PLA2G6: variants seen among roughly 807,000 people sequenced by gnomAD.
The protein encoded by PLA2G6 is 85/88 kDa calcium-independent phospholipase A2.
Under a neutral mutation model 83.8 loss-of-function variants are expected in PLA2G6, and 62 were observed. The observed-to-expected ratio is 0.74, with a 90% CI of 0.60 to 0.91. The LOEUF (loss-of-function observed/expected upper bound fraction) is 0.91, where lower values mean the gene tolerates loss of function less well. Among genes scored for constraint, PLA2G6 ranks in the 40% least tolerant of loss-of-function variants. PLA2G6 has a pLI of 0.00. For missense variants in PLA2G6, 944 were observed against 1,102.0 expected, an observed-to-expected ratio of 0.86 and a Z score of 2.03; for synonymous variants, 417 against 449.8, an observed-to-expected ratio of 0.93 and a Z score of 0.92.
chr22:38,140,258 A>G (rs1241118094), intron 4 of PLA2G6, 89 bp from the exon 5 acceptor site: 1 of 1,297,648 alleles, frequency 7.7e-7, no homozygotes, highest in Non-Finnish European at 1.1e-6. Context: ...CTGTAATCCT[A>G]GCACTTTGGG....
At chr22:38,143,996 G>A (rs1053125378) in intron 3 of PLA2G6, 12 of 168,570 alleles carry the variant, frequency 7.1e-5, no homozygotes, top group Admixed American at 2.2e-4. Context: ...CACCCGCCTC[G>A]GCCTCACAAA....
intron 1 of PLA2G6, among the ~76,000 whole-genome samples, chr22:38,176,456 A>C (rs2090634739): frequency 6.6e-6 from 1 of 152,190 alleles, no homozygotes; most frequent in Non-Finnish European, 1.5e-5. Context: ...TGACGACAGG[A>C]TGTCCCATGA....
At chr22:38,150,191 A>G (rs533179605) in intron 2 of PLA2G6, 16 of 152,284 alleles carry the variant, frequency 1.1e-4, no homozygotes, top group African/African-American at 3.9e-4. Context: ...GGGAATTTGT[A>G]TCTCTTTACC....
rs979608993 is a variant in PLA2G6 at position 38,148,651 on chromosome 22, T to C, written c.210-2998A>G. 6 of 683,124 alleles carry C rather than the reference T, an allele frequency of 8.8e-6. No individual in the cohort carries two copies. The Admixed American group carries it at 9.6e-5, about 11-fold the overall frequency. 42.3% of individuals were successfully genotyped at this position (683,124 alleles called of 1,614,324 possible). A position where few individuals can be genotyped will look rare whatever the true frequency, so the allele number is the denominator to read the frequency against. On this transcript the variant is annotated intron_variant, in intron 2 of 16. Coordinates refer to ENST00000332509, the MANE Select transcript of PLA2G6 (RefSeq NM_003560.4). Reference sequence around the variant, plus strand: ...GCCAAGAGGAGAGCCCTGATGAACATCTCTTACTTTGGGTTAGGGTCCTAA... The same window carrying C: ...GCCAAGAGGAGAGCCCTGATGAACACCTCTTACTTTGGGTTAGGGTCCTAA...
At chr22:38,112,855 T>A (rs1218555511) in intron 15 of PLA2G6, 1 of 573,960 alleles carries the variant, frequency 1.7e-6, no homozygotes, top group African/African-American at 1.9e-5. Context: ...CAGGCCTCCA[T>A]GTCCCCTCTC....
At chr22:38,140,818 G>C (rs1284819781) in intron 4 of PLA2G6, 3 of 154,978 alleles carry the variant, frequency 1.9e-5, no homozygotes, top group African/African-American at 7.2e-5. Flanking sequence ...TGGGAGGTGA[G>C]AGGATCACTT....
At chr22:38,143,824 A>C (rs543024027) in intron 3 of PLA2G6, 267 of 220,276 alleles carry the variant, frequency 1.2e-3, no homozygotes, top group African/African-American at 5.7e-3. Flanking sequence ...GCTCACTGCA[A>C]CCTCCGCCTC....
rs2145737973 is a variant in PLA2G6 at position 38,126,408 on chromosome 22, C to G, written c.1390G>C (p.Ala464Pro). The G allele has an allele frequency of 6.2e-7, 1 of 1,613,802 alleles. No individual in the cohort carries two copies. Among genetic ancestry groups the G allele is most frequent in the Non-Finnish European group, 8.5e-7 (1 of 1,179,938 alleles). ...TCCCTCATGGAGCCCAGGATGAACG[C>G]TGGCTTCCGGGCCCGTGAGATGTGC... ...LMHISRARKPAFILGSMRDEK... is the reference protein window; with the variant it reads ...LMHISRARKPPFILGSMRDEK... The change falls in exon 10 of 17, where the codon GCG (alanine) becomes CCG (proline). Residue 464 changes from alanine to proline, a missense_variant. Transcript: ENST00000332509.
intron 2 of PLA2G6, among the ~76,000 whole-genome samples, chr22:38,157,647 T>A (rs1474759119): frequency 6.6e-6 from 1 of 151,872 alleles, no homozygotes; most frequent in Non-Finnish European, 1.5e-5. Flanking sequence ...CAAAGACATA[T>A]AAAAAAAGAA....
chr22:38,169,968 C>A (rs1025319124), intron 1 of PLA2G6, among the ~76,000 whole-genome samples: 1 of 152,128 alleles, frequency 6.6e-6, no homozygotes, highest in Admixed American at 6.6e-5. Flanking sequence ...GAGGCTGAGG[C>A]GGGCGGATCA....
rs191005574 is a variant in PLA2G6 at position 38,132,142 on chromosome 22, A to G, written c.1077+689T>C. 27 of 455,888 alleles carry G rather than the reference A, an allele frequency of 5.9e-5. No homozygotes were observed. The East Asian group carries it at 1.5e-3, about 26-fold the overall frequency. The allele number at this position is 455,888 out of a possible 1,614,324, so 28.2% of individuals were successfully genotyped here. A position where few individuals can be genotyped will look rare whatever the true frequency, so the allele number is the denominator to read the frequency against. On this transcript the variant is annotated intron_variant, in intron 7 of 16. Coordinates refer to ENST00000332509, the MANE Select transcript of PLA2G6 (RefSeq NM_003560.4). This position sits in a 1 kb window ranked among gnomAD's most constrained non-coding sequence, Gnocchi z 5.0. ...AAAAAAAGAATACATGCACACACAT[A>G]TGTCTGTAACACAGTAACGTCCTCC...
chr22:38,120,056 G>A (rs949662218), intron 12 of PLA2G6, among the ~76,000 whole-genome samples: 1 of 152,218 alleles, frequency 6.6e-6, no homozygotes, highest in South Asian at 2.1e-4. Flanking sequence ...CTAAGACTGG[G>A]GGACACTCAC....
chr22:38,115,483 T>TC, intron 14 of PLA2G6, 44 bp downstream of exon 14: 1 of 1,583,646 alleles, frequency 6.3e-7, no homozygotes, highest in South Asian at 1.1e-5. Context: ...CAGGATTGGC[T>TC]CCAGGGAGCA....
Position 38,129,589 on chromosome 22 carries a change from C to T in PLA2G6, c.1078-27G>A, listed in dbSNP as rs190185377. 462 of 1,551,982 alleles carry T rather than the reference C, an allele frequency of 3.0e-4. 2 individuals are homozygous for T. Among genetic ancestry groups the T allele is most frequent in the Non-Finnish European group, 3.8e-4 (431 of 1,123,726 alleles). On this transcript the variant is annotated intron_variant, in intron 7 of 16. Coordinates refer to ENST00000332509, the MANE Select transcript of PLA2G6 (RefSeq NM_003560.4). ...TGTTGGAGATGGAGAGAGGATAAGA[C>T]GTGCAACTGCCGGGGAAGTGAAGAA... is the stretch of plus-strand genomic sequence containing the variant.
intron 5 of PLA2G6, 82 bp from the exon 6 acceptor site, chr22:38,135,166 C>G (rs757271000): frequency 2.2e-6 from 2 of 902,250 alleles, no homozygotes; most frequent in Non-Finnish European, 3.7e-6. Flanking sequence ...GGAGCTTCAT[C>G]TACTGCTTAC....
chr22:38,159,896 C>T (rs1219668779), intron 2 of PLA2G6, among the ~76,000 whole-genome samples: 2 of 152,096 alleles, frequency 1.3e-5, no homozygotes, highest in African/African-American at 4.8e-5. Context: ...TTCATTAAAA[C>T]TAAGAACTCA....
chr22:38,120,958 G>T (rs780125490), intron 11 of PLA2G6, 49 bp from the exon 12 acceptor site: 32 of 1,605,658 alleles, frequency 2.0e-5, no homozygotes, highest in Non-Finnish European at 2.6e-5. Context: ...CCACACGCAG[G>T]GCTCCCGTAG....
chr22:38,129,548 C>G lies in PLA2G6; in HGVS notation c.1092G>C (p.Glu364Asp). The G allele has an allele frequency of 6.2e-7, 1 of 1,613,588 alleles. No homozygotes were observed. The highest frequency in any genetic ancestry group is 8.5e-7 in the Non-Finnish European group (1 of 1,179,478). The change falls in exon 8 of 17, where the codon GAG (glutamate) becomes GAC (aspartate). Residue 364 changes from glutamate (E) to aspartate (D), a missense_variant. By Grantham distance (45) the Glu-to-Asp change is conservative (BLOSUM62 2). Coordinates refer to ENST00000332509, the MANE Select transcript of PLA2G6 (RefSeq NM_003560.4). ...CGAACACGATGAGGGCCTTGATCATCTCCACGTTGTCTTTCTGTTGGAGAT... is the reference window on the plus strand; with the variant it reads ...CGAACACGATGAGGGCCTTGATCATGTCCACGTTGTCTTTCTGTTGGAGAT... ...LHLAMSKDNV[E>D]MIKALIVFGA...
At chr22:38,171,655 C>T (rs2090443184) in intron 1 of PLA2G6, among the ~76,000 whole-genome samples, 1 of 151,826 alleles carries the variant, frequency 6.6e-6, no homozygotes, top group Non-Finnish European at 1.5e-5. Flanking sequence ...TCCGTCTCTA[C>T]TAAAAATATA....
Sources: gnomAD v4.1 joint callset for allele counts (sites outside exome capture counted in the v4.1 genomes callset) on GRCh38, gnomAD v4.1.1 for gene constraint, Gnocchi (gnomAD v3.1) non-coding constraint, MANE v1.5 for transcripts, NCBI Gene and HGNC (gene_info 2026-07-23, HGNC 2026-07-21) for gene names.